PHKG1: variants seen among roughly 807,000 people sequenced by gnomAD.
PHKG1 encodes phosphorylase kinase catalytic subunit gamma 1, also known as phosphorylase b kinase gamma catalytic chain, skeletal muscle/heart isoform.
Under a neutral mutation model 50.5 loss-of-function variants are expected in PHKG1, and 48 were observed. That is an observed-to-expected ratio of 0.95 (90% CI 0.75 to 1.21). The LOEUF is 1.21. PHKG1 is among the 50% of genes most tolerant of loss of function. The pLI is 0.00. For synonymous variants in PHKG1, 204 were observed against 212.8 expected, an observed-to-expected ratio of 0.96 and a Z score of 0.36; for missense variants, 487 against 519.5, an observed-to-expected ratio of 0.94 and a Z score of 0.61.
At chr7:56,087,567 C>T (rs748056001) in intron 3 of PHKG1, 31 bp downstream of exon 3, 5 of 1,597,878 alleles carry the variant, frequency 3.1e-6, no homozygotes, top group Non-Finnish European at 3.4e-6. Flanking sequence ...CAGGGGGGCA[C>T]CCTGCCGTGT....
chr7:56,086,769 T>C, intron 4 of PHKG1: 2 of 576,794 alleles, frequency 3.5e-6, no homozygotes, highest in Non-Finnish European at 6.3e-6. Flanking sequence ...TTTAAAGAAA[T>C]GATCCAGCCC....
At position 56,080,592 on chromosome 7, in the gene PHKG1, G is replaced by A. The variant is rs1398028880; in HGVS notation, c.*462C>T. On this transcript the variant is annotated 3_prime_UTR_variant, in exon 10 of 10. Coordinates refer to ENST00000297373, the MANE Select transcript of PHKG1 (RefSeq NM_006213.5). ...CTTCTCCATATGCCTCCAAAAACAT[G>A]TCCCTGGAGAGTAGCCTGCTCCCAC... The A allele has an allele frequency of 3.2e-5, 6 of 185,980 alleles. No individual in the cohort carries two copies. The highest frequency in any genetic ancestry group is 1.5e-4 in the East Asian group (1 of 6,738). 11.5% of individuals were successfully genotyped at this position (185,980 alleles called of 1,614,324 possible). A position where few individuals can be genotyped will look rare whatever the true frequency, so the allele number is the denominator to read the frequency against.
At chr7:56,088,122 C>T (rs1270274727) in intron 2 of PHKG1, among the ~76,000 whole-genome samples, 3 of 150,726 alleles carry the variant, frequency 2.0e-5, no homozygotes, top group Non-Finnish European at 3.0e-5. Flanking sequence ...GCAACCTCCA[C>T]CTCCCGGGTT....
intron 4 of PHKG1, among the ~76,000 whole-genome samples, chr7:56,085,312 G>T (rs530730281): frequency 2.7e-4 from 41 of 152,172 alleles, no homozygotes; most frequent in Non-Finnish European, 4.4e-4. Context: ...TGCCCAGGCT[G>T]GTCTCAAACT....
chr7:56,088,977 T>G lies in PHKG1; in HGVS notation c.-34-2A>C. ...TCAGTGAGGGAACTCTGGGTGGCTC[T>G]GAGAGGGGAAAAGAAAGAAGCTGTC... On this transcript the variant is annotated splice_acceptor_variant, in intron 1 of 9. Transcript: ENST00000297373. LOFTEE classifies it low-confidence loss of function (5UTR_SPLICE). 1.4e-6 allele frequency: 2 copies of G among 1,463,112 alleles called. No homozygotes were observed. Among genetic ancestry groups the G allele is most frequent in the Non-Finnish European group, 1.9e-6 (2 of 1,044,906 alleles). The allele number at this position is 1,463,112 out of a possible 1,614,324, so 90.6% of individuals were successfully genotyped here. A position where few individuals can be genotyped will look rare whatever the true frequency, so the allele number is the denominator to read the frequency against.
intron 6 of PHKG1, chr7:56,083,016 G>C (rs1796086169): frequency 2.5e-6 from 1 of 392,618 alleles, no homozygotes; most frequent in Non-Finnish European, 4.7e-6. Context: ...TGAGGCAGGA[G>C]AATCACTTGA....
chr7:56,086,925 C>T lies in PHKG1; in HGVS notation c.317+45G>A, dbSNP rs370435699. On this transcript the variant is annotated intron_variant, in intron 4 of 9. Transcript: ENST00000297373. ...CTGGGGTTGGGGAGGGGACAGCAGT[C>T]GGAGGTTCTCTCAGGTGTGGCTTGC... 48 of 1,495,282 alleles carry T rather than the reference C, an allele frequency of 3.2e-5. 1 individual carries two copies. The Admixed American group carries it at 4.7e-4, about 15-fold the overall frequency. 92.6% of individuals were successfully genotyped at this position (1,495,282 alleles called of 1,614,324 possible).
intron 2 of PHKG1, chr7:56,088,511 C>T (rs962018574): frequency 6.4e-6 from 1 of 157,100 alleles, no homozygotes; most frequent in Admixed American, 6.9e-5. Flanking sequence ...GATGACAGGG[C>T]AAGACCCTAT....
At position 56,087,087 on chromosome 7, in the gene PHKG1, C is replaced by T. The variant is rs1014244370; in HGVS notation, c.263-63G>A. The T allele has an allele frequency of 3.2e-5, 42 of 1,309,746 alleles. No individual in the cohort carries two copies. In the South Asian group the frequency reaches 4.4e-4, roughly 14 times the overall value. The allele number at this position is 1,309,746 out of a possible 1,614,324, so 81.1% of individuals were successfully genotyped here. A position where few individuals can be genotyped will look rare whatever the true frequency, so the allele number is the denominator to read the frequency against. The stretch of plus-strand genomic sequence containing the variant: ...GGAGCCCAGGCAGGGGCAGCCGGGG[C>T]ACGGGGGTCAGGGACCGAGGCTGCT... On this transcript the variant is annotated intron_variant, in intron 3 of 9. Coordinates refer to ENST00000297373, the MANE Select transcript of PHKG1 (RefSeq NM_006213.5).
intron 2 of PHKG1, 21 bp downstream of exon 2, chr7:56,088,838 T>C: frequency 2.5e-6 from 4 of 1,581,350 alleles, no homozygotes; most frequent in Non-Finnish European, 1.7e-6. Context: ...CAGCACTTCG[T>C]GGGGAAAGCT....
At chr7:56,086,053 G>C (rs1264751481) in intron 4 of PHKG1, among the ~76,000 whole-genome samples, 1 of 150,886 alleles carries the variant, frequency 6.6e-6, no homozygotes, top group Non-Finnish European at 1.5e-5. Flanking sequence ...TGGCTAAAAT[G>C]CCTGCAGGAC....
chr7:56,087,513 C>A, intron 3 of PHKG1, 85 bp downstream of exon 3: 1 of 1,347,826 alleles, frequency 7.4e-7, no homozygotes, highest in Non-Finnish European at 1.0e-6. Context: ...GTTGGCTGTG[C>A]GGTGGGGCCA....
At chr7:56,084,107 G>C in intron 4 of PHKG1, 1 of 1,105,570 alleles carries the variant, frequency 9.0e-7, no homozygotes. Context: ...GAAGTGACCA[G>C]GGAAGCAATG....
intron 5 of PHKG1, 67 bp from the exon 6 acceptor site, chr7:56,083,508 G>A: frequency 1.9e-6 from 3 of 1,576,400 alleles, no homozygotes; most frequent in Non-Finnish European, 2.6e-6. Flanking sequence ...GGGAGACACA[G>A]CTCACATTTC....
intron 6 of PHKG1, 187 bp downstream of exon 6, chr7:56,083,091 G>A (rs1170231321): frequency 1.6e-5 from 9 of 557,234 alleles, no homozygotes; most frequent in Non-Finnish European, 2.8e-5. Context: ...GGGCGACAGA[G>A]TGAGACTCCA....
At chr7:56,086,822 C>T (rs1796271436) in intron 4 of PHKG1, 148 bp downstream of exon 4, 3 of 672,204 alleles carry the variant, frequency 4.5e-6, no homozygotes, top group African/African-American at 1.8e-5. Context: ...AGCCTGACCC[C>T]AGGGGCTGAT....
Position 56,087,657 on chromosome 7 carries a change from C to T in PHKG1, c.203G>A (p.Arg68Gln), listed in dbSNP as rs749309116. The T allele has an allele frequency of 2.0e-5, 33 of 1,613,836 alleles. No individual in the cohort carries two copies. The highest frequency in any genetic ancestry group is 6.6e-5 in the South Asian group (6 of 91,086). ...GTCCACCTCCTTCAGCGTGGCTTCT[C>T]GCAGCTCCCGCACCTCCTCCGGGCT... ...SFSPEEVREL[R>Q]EATLKEVDIL... Residue 68 changes from arginine to glutamine, a missense_variant, in exon 3 of 10, where the codon CGA becomes CAA. Coordinates refer to ENST00000297373, the MANE Select transcript of PHKG1 (RefSeq NM_006213.5).
intron 1 of PHKG1, among the ~76,000 whole-genome samples, 156 bp from the exon 2 acceptor site, chr7:56,089,131 G>A (rs1463745982): frequency 6.6e-6 from 1 of 152,074 alleles, no homozygotes; most frequent in Non-Finnish European, 1.5e-5. Flanking sequence ...GAGGCCGTTC[G>A]TGGTGGCTCA....
intron 6 of PHKG1, 34 bp downstream of exon 6, chr7:56,083,244 G>A: frequency 6.2e-7 from 1 of 1,607,990 alleles, no homozygotes; most frequent in Non-Finnish European, 8.5e-7. Context: ...GAGCACCCGA[G>A]GCCTGGACGT....
Sources: allele counts gnomAD v4.1 joint callset (sites outside exome capture counted in the v4.1 genomes callset), GRCh38; gene constraint gnomAD v4.1.1; transcripts MANE v1.5; gene names NCBI Gene and HGNC (gene_info 2026-07-23, HGNC 2026-07-21).